MUC17: variants seen among roughly 807,000 people sequenced by gnomAD.
The protein encoded by MUC17 is mucin 17, cell surface associated, also known as mucin-17.
In MUC17, 190 loss-of-function variants were observed where a neutral mutation model predicts 170.3. The ratio of observed to expected loss-of-function variants is 1.12; its 90% CI spans 0.99 to 1.26. The LOEUF (loss-of-function observed/expected upper bound fraction) is 1.26, where lower values mean the gene tolerates loss of function less well. Among genes scored for constraint, MUC17 ranks in the 50% most tolerant of loss-of-function variants. The pLI is 0.00. For synonymous variants in MUC17, 2,325 were observed against 2,002.5 expected (o/e 1.16, Z -4.30); for missense variants, 6,415 against 5,530.0 (o/e 1.16, Z -5.08).
intron 9 of MUC17, 149 bp from the exon 10 acceptor site, chr7:101,052,837 G>A (rs1794973401): frequency 1.2e-6 from 1 of 837,626 alleles, no homozygotes. Flanking sequence ...CTTCATCTCT[G>A]TTCATCCCCT....
At chr7:101,028,958 C>T (rs114139297) in intron 1 of MUC17, among the ~76,000 whole-genome samples, 2,246 of 151,924 alleles carry the variant, frequency 0.015, 60 homozygotes, top group African/African-American at 0.052. Flanking sequence ...GAGGCCGAAG[C>T]CAGCAGATCA....
intron 7 of MUC17, 93 bp from the exon 8 acceptor site, chr7:101,051,520 C>T (rs1446019208): frequency 3.1e-6 from 4 of 1,288,216 alleles, no homozygotes; most frequent in African/African-American, 3.0e-5. Flanking sequence ...CCATCGCAGC[C>T]CACCCCCTTC....
At chr7:101,056,045 G>A (rs1795038228) in intron 11 of MUC17, 149 bp from the exon 12 acceptor site, 1 of 1,116,910 alleles carries the variant, frequency 9.0e-7, no homozygotes, top group Non-Finnish European at 1.3e-6. Flanking sequence ...GTCAGGTAAT[G>A]TTGACAGTTT....
intron 3 of MUC17, among the ~76,000 whole-genome samples, chr7:101,044,114 G>A (rs1213391544): frequency 6.6e-6 from 1 of 152,116 alleles, no homozygotes; most frequent in African/African-American, 2.4e-5. Flanking sequence ...CCTTGTGATA[G>A]TTTGCTCAGA....
In MUC17 at chr7:101,038,201, C is replaced by A. The variant is rs759159125; in HGVS notation, c.6785C>A (p.Thr2262Lys). The A allele has an allele frequency of 6.2e-7, 1 of 1,613,850 alleles. No individual in the cohort carries two copies. The highest frequency in any genetic ancestry group is 1.7e-5 in the Admixed American group (1 of 59,982). ...TCTACTGAAGCCACTTCATCTCCTACAACTGCTGAAGGTACCAGCATACCA... is the reference window on the plus strand; with the variant it reads ...TCTACTGAAGCCACTTCATCTCCTAAAACTGCTGAAGGTACCAGCATACCA... ...TTSTEATSSP[T>K]TAEGTSIPTS... The change falls in exon 3 of 13, where the codon ACA (threonine) becomes AAA (lysine). Residue 2262 changes from threonine to lysine, a missense_variant. Coordinates refer to ENST00000306151, the MANE Select transcript of MUC17 (RefSeq NM_001040105.2).
intron 3 of MUC17, among the ~76,000 whole-genome samples, chr7:101,047,633 C>T (rs1177443775): frequency 6.6e-6 from 1 of 152,100 alleles, no homozygotes; most frequent in East Asian, 1.9e-4. Flanking sequence ...AGTTTGAGAC[C>T]AGCCTGGCCA....
chr7:101,047,807 G>T (rs1404710377), intron 3 of MUC17, among the ~76,000 whole-genome samples, 177 bp from the exon 4 acceptor site: 2 of 152,118 alleles, frequency 1.3e-5, no homozygotes, highest in Non-Finnish European at 2.9e-5. Context: ...CTCCAGCCTG[G>T]GTGACAAGGG....
At chr7:101,046,317 A>T (rs1794839644) in intron 3 of MUC17, among the ~76,000 whole-genome samples, 1 of 152,174 alleles carries the variant, frequency 6.6e-6, no homozygotes, top group South Asian at 2.1e-4. Context: ...GACAAAATAC[A>T]CCTTGAATAC....
At position 101,032,907 on chromosome 7, in the gene MUC17, A is replaced by C. The variant is rs1407197834; in HGVS notation, c.1491A>C (p.Glu497Asp). 6.2e-7 allele frequency: 1 copy of C among 1,613,884 alleles called. No individual in the cohort carries two copies. Among genetic ancestry groups the C allele is most frequent in the African/African-American group, 1.3e-5 (1 of 74,956 alleles). ...CCAGTTCATCTCCTCCAACTGCTGA[A>C]GTTAACAGCATGCCAACCTCAACTC... is the stretch of plus-strand genomic sequence containing the variant. ...TEASSSPPTAEVNSMPTSTPS... is the reference protein window; with the variant it reads ...TEASSSPPTADVNSMPTSTPS... Residue 497 changes from glutamate (E) to aspartate (D), a missense_variant, in exon 3 of 13, where the codon GAA becomes GAC. Transcript: ENST00000306151.
intron 1 of MUC17, among the ~76,000 whole-genome samples, chr7:101,030,465 C>T (rs1354600682): frequency 6.6e-6 from 1 of 152,170 alleles, no homozygotes; most frequent in Non-Finnish European, 1.5e-5. Context: ...CCTCGTGATC[C>T]ACCTGCCTCA....
In MUC17 at chr7:101,034,612, C is replaced by T; in HGVS notation, c.3196C>T (p.Pro1066Ser). ...TGAAACGAGCACACTTTCAACAACT[C>T]CTGCTGACACCAGCACACCTGTGAC... ...SSETSTLSTT[P>S]ADTSTPVTTY... The change falls in exon 3 of 13, where the codon CCT becomes TCT. Residue 1066 changes from proline (P) to serine (S), a missense_variant. Coordinates refer to ENST00000306151, the MANE Select transcript of MUC17 (RefSeq NM_001040105.2). The T allele has an allele frequency of 1.2e-6, 2 of 1,612,718 alleles. No individual in the cohort carries two copies. Among genetic ancestry groups the T allele is most frequent in the Non-Finnish European group, 8.5e-7 (1 of 1,179,454 alleles).
chr7:101,021,678 G>A (rs1794085057), intron 1 of MUC17, among the ~76,000 whole-genome samples: 1 of 152,172 alleles, frequency 6.6e-6, no homozygotes, highest in South Asian at 2.1e-4. Context: ...TGACTTCTCA[G>A]ACCCTGTTCC....
In MUC17 at chr7:101,033,167, G is replaced by A. The variant is rs770257999; in HGVS notation, c.1751G>A (p.Ser584Asn). Residue 584 changes from serine (S) to asparagine (N), a missense_variant, in exon 3 of 13, where the codon AGT (serine) becomes AAT (asparagine). Ser to Asn is a conservative substitution (Grantham distance 46). Coordinates refer to ENST00000306151, the MANE Select transcript of MUC17 (RefSeq NM_001040105.2). ...CCTGTCAGCACCAGGCTGGTGGTCA[G>A]TTCTGAGGCTAGCACCACTTCAACA... ...NMPVSTRLVV[S>N]SEASTTSTTP... 2 of 1,613,820 alleles carry A rather than the reference G, an allele frequency of 1.2e-6. No individual in the cohort carries two copies. Among genetic ancestry groups the A allele is most frequent in the African/African-American group, 1.3e-5 (1 of 74,860 alleles).
rs760174612 is a variant in MUC17, at chr7:101,042,872, T to C, written c.11456T>C (p.Val3819Ala). The C allele has an allele frequency of 1.2e-5, 20 of 1,614,024 alleles. No individual in the cohort carries two copies. Among genetic ancestry groups the C allele is most frequent in the Non-Finnish European group, 1.7e-5 (20 of 1,180,028 alleles). ...TSERSTLLTT[V>A]LISPISVMSP... ...GAAAGAAGCACTTTATTGACAACTG[T>C]CCTCATCAGCCCTATATCTGTGATG... Residue 3819 changes from valine (V) to alanine (A), a missense_variant, in exon 3 of 13, where the codon GTC becomes GCC. Val to Ala is a moderately conservative substitution (Grantham distance 64). Coordinates refer to ENST00000306151, the MANE Select transcript of MUC17 (RefSeq NM_001040105.2).
Position 101,038,856 on chromosome 7 carries a change from T to A in MUC17, c.7440T>A (p.Pro2480=). ...AGGCTGGCACCCTTTCCACAACTCC[T>A]GTTGACACCAGCACACCTATGACCA... ...SSEAGTLSTT[P]VDTSTPMTTS... is the part of the protein sequence containing the mutation. Residue 2480 remains proline, a synonymous_variant, in exon 3 of 13, where the codon CCT becomes CCA. Transcript: ENST00000306151. The A allele has an allele frequency of 6.2e-7, 1 of 1,612,908 alleles. No homozygotes were observed. Among genetic ancestry groups the A allele is most frequent in the Non-Finnish European group, 8.5e-7 (1 of 1,179,528 alleles).
At position 101,036,197 on chromosome 7, in the gene MUC17, CA is replaced by C. The variant is rs1562809457; in HGVS notation, c.4783del (p.Thr1595GlnfsTer10). The C allele has an allele frequency of 1.2e-6, 2 of 1,614,056 alleles. No homozygotes were observed. Among genetic ancestry groups the C allele is most frequent in the Admixed American group, 3.3e-5 (2 of 60,018 alleles). ...LVVSSEANTL[S>X]TTPIDSKTQV... ...GTCAGTTCTGAGGCTAACACCCTTT[CA>C]ACAACCCCTATTGACTCCAAAACTC... On this transcript the variant is annotated frameshift_variant, in exon 3 of 13. Coordinates refer to ENST00000306151, the MANE Select transcript of MUC17 (RefSeq NM_001040105.2). LOFTEE classifies it high-confidence loss of function.
chr7:101,050,134 CAAAA>C (rs1378671168), intron 6 of MUC17, among the ~76,000 whole-genome samples: 1 of 152,102 alleles, frequency 6.6e-6, no homozygotes, highest in Non-Finnish European at 1.5e-5. Context: ...GTCTCTAAAA[CAAAA>C]AACCCAAAAA....
Position 101,058,096 on chromosome 7 carries a change from T to A in MUC17, c.*52T>A, listed in dbSNP as rs1347973600. ...GAGGAGATCCCAGTCCGGCTAAGCT[T>A]GGTGGAGCATTTTCCCATTGAGAGC... On this transcript the variant is annotated 3_prime_UTR_variant, in exon 13 of 13. Transcript: ENST00000306151. The A allele has an allele frequency of 3.9e-6, 6 of 1,552,750 alleles. No homozygotes were observed. The highest frequency in any genetic ancestry group is 4.4e-6 in the Non-Finnish European group (5 of 1,125,844).
chr7:101,043,084 C>T lies in MUC17; in HGVS notation c.11668C>T (p.Pro3890Ser), dbSNP rs1236308857. 1.2e-6 allele frequency: 2 copies of T among 1,614,044 alleles called. No homozygotes were observed. The highest frequency in any genetic ancestry group is 1.7e-6 in the Non-Finnish European group (2 of 1,180,032). ...CAGCACCACACTTCCAACTAGCTTT[C>T]CTGGGGCCAGCATAGCTTCGACACC... ...LVSTTLPTSF[P>S]GASIASTPPL... is the part of the protein sequence containing the mutation. Residue 3890 changes from proline to serine, a missense_variant, in exon 3 of 13, where the codon CCT (proline) becomes TCT (serine). By Grantham distance (74) the Pro-to-Ser change is moderately conservative. Transcript: ENST00000306151.
Sources: gnomAD v4.1 joint callset for allele counts (sites outside exome capture counted in the v4.1 genomes callset) on GRCh38, gnomAD v4.1.1 for gene constraint, MANE v1.5 for transcripts, NCBI Gene and HGNC (gene_info 2026-07-23, HGNC 2026-07-21) for gene names.